The following ANKS1A variants were observed in gnomAD, a reference collection of about 807,000 sequenced individuals.
ANKS1A encodes ankyrin repeat and sterile alpha motif domain containing 1A.
ANKS1A carries 55 observed loss-of-function variants against 120.3 expected under a neutral mutation model. The ratio of observed to expected loss-of-function variants is 0.46; its 90% CI spans 0.37 to 0.57. The LOEUF is 0.57. Ranked by LOEUF, ANKS1A falls within the 20% of genes least tolerant of loss-of-function variation. ANKS1A has a pLI of 0.00. For missense variants in ANKS1A, 1,123 were observed against 1,480.3 expected, an observed-to-expected ratio of 0.76 and a Z score of 3.96; for synonymous variants, 590 against 604.7, an observed-to-expected ratio of 0.98 and a Z score of 0.36.
rs1054095201 is a variant in ANKS1A at position 35,084,382 on chromosome 6, T to C, written c.3132+124T>C. 38 of 1,355,468 alleles carry C rather than the reference T, an allele frequency of 2.8e-5. No individual in the cohort carries two copies. In the East Asian group the frequency reaches 9.0e-4, roughly 32 times the overall value. 84.0% of individuals were successfully genotyped at this position (1,355,468 alleles called of 1,614,324 possible). On this transcript the variant is annotated intron_variant, in intron 21 of 23. Transcript: ENST00000360359. This position sits in a 1 kb window ranked among gnomAD's most constrained non-coding sequence, Gnocchi z 4.8. ...TGGCCAGTGCCTGGCAAATGTTTGG[T>C]TCATGAATGGAGCCCAGCAGCACTC...
chr6:34,950,074 C>T (rs1007022291), intron 1 of ANKS1A, among the ~76,000 whole-genome samples: 4 of 152,096 alleles, frequency 2.6e-5, no homozygotes, highest in Non-Finnish European at 5.9e-5. Flanking sequence ...TTACTTCTGA[C>T]ACTTCTTAAA....
chr6:34,980,510 A>G (rs1480222038), intron 3 of ANKS1A, among the ~76,000 whole-genome samples: 3 of 152,252 alleles, frequency 2.0e-5, no homozygotes, highest in Admixed American at 1.3e-4. Context: ...TTCCTAATCC[A>G]TTACTTTTAG....
chr6:34,983,535 G>A, intron 7 of ANKS1A, 110 bp downstream of exon 7: 2 of 928,924 alleles, frequency 2.2e-6, no homozygotes, highest in African/African-American at 1.7e-5. Flanking sequence ...GGGGGATTGT[G>A]AGTACTTAGT....
intron 16 of ANKS1A, 80 bp from the exon 17 acceptor site, chr6:35,080,914 A>C: frequency 3.2e-6 from 5 of 1,540,308 alleles, no homozygotes; most frequent in Non-Finnish European, 2.6e-6. Flanking sequence ...GTGCCGTCCT[A>C]ACCAGTGGGG....
chr6:34,925,430 G>A (rs1305637313), intron 1 of ANKS1A, among the ~76,000 whole-genome samples: 1 of 152,174 alleles, frequency 6.6e-6, no homozygotes, highest in Non-Finnish European at 1.5e-5. Context: ...TTGGGCCTTG[G>A]GGCAAAGGCC....
intron 9 of ANKS1A, 102 bp downstream of exon 9, chr6:34,989,418 G>A (rs1397296964): frequency 9.6e-7 from 1 of 1,036,394 alleles, no homozygotes; most frequent in Non-Finnish European, 1.4e-6. Context: ...CTTCTCATCA[G>A]CTCTTTGGAT....
At chr6:35,018,374 A>G (rs1226645947) in intron 11 of ANKS1A, among the ~76,000 whole-genome samples, 4 of 152,112 alleles carry the variant, frequency 2.6e-5, no homozygotes, top group Non-Finnish European at 4.4e-5. Flanking sequence ...TGAGAGAATC[A>G]TGCTCACCCT....
At chr6:34,912,895 G>T (rs913744209) in intron 1 of ANKS1A, among the ~76,000 whole-genome samples, 3 of 152,218 alleles carry the variant, frequency 2.0e-5, no homozygotes, top group Admixed American at 6.5e-5. Flanking sequence ...TTGTGGTTCT[G>T]CTGGCTGTGT....
chr6:35,000,492 G>GA (rs1202692024), intron 10 of ANKS1A, among the ~76,000 whole-genome samples: 13 of 149,970 alleles, frequency 8.7e-5, no homozygotes, highest in African/African-American at 3.2e-4. Context: ...TATCTTCAAA[G>GA]AAAAAAAAGT....
chr6:35,055,810 G>A (rs529231296), intron 12 of ANKS1A, among the ~76,000 whole-genome samples: 1 of 152,310 alleles, frequency 6.6e-6, no homozygotes, highest in South Asian at 2.1e-4. Flanking sequence ...AGCTTGGTCC[G>A]TTTTCGTCAG....
intron 11 of ANKS1A, among the ~76,000 whole-genome samples, chr6:35,052,429 C>T (rs1487977647): frequency 1.3e-5 from 2 of 151,344 alleles, no homozygotes; most frequent in Non-Finnish European, 2.9e-5. Flanking sequence ...CCAGCCTGGG[C>T]AACAGAGCAA....
chr6:34,969,859 A>G (rs1329551195), intron 2 of ANKS1A, 151 bp from the exon 3 acceptor site: 8 of 843,926 alleles, frequency 9.5e-6, no homozygotes, highest in Non-Finnish European at 1.3e-5. Context: ...CTCATGGAAT[A>G]AAAGGAAAAG....
intron 3 of ANKS1A, among the ~76,000 whole-genome samples, chr6:34,976,980 T>C (rs1771632944): frequency 6.6e-6 from 1 of 152,180 alleles, no homozygotes; most frequent in South Asian, 2.1e-4. Flanking sequence ...TCAATATTGA[T>C]ACAATACCAT....
chr6:34,937,234 G>A (rs1472147521), intron 1 of ANKS1A, among the ~76,000 whole-genome samples: 5 of 152,052 alleles, frequency 3.3e-5, no homozygotes, highest in South Asian at 4.2e-4. Flanking sequence ...ACTTTGGGAG[G>A]TAGGGGCAGG....
intron 1 of ANKS1A, among the ~76,000 whole-genome samples, chr6:34,954,249 C>T (rs1770232700): frequency 6.6e-6 from 1 of 152,156 alleles, no homozygotes; most frequent in Admixed American, 6.5e-5. Flanking sequence ...GCCGGTGTCT[C>T]ACTTGCCCAG....
chr6:35,091,706 C>T (rs2127622215), downstream of ANKS1A, among the ~76,000 whole-genome samples: 1 of 152,352 alleles, frequency 6.6e-6, no homozygotes. Context: ...TCTCTTCTGC[C>T]TCTTGGTCTG....
chr6:34,974,905 C>T (rs1208489380), intron 3 of ANKS1A, among the ~76,000 whole-genome samples: 1 of 152,068 alleles, frequency 6.6e-6, no homozygotes, highest in East Asian at 1.9e-4. Flanking sequence ...AAACATTATT[C>T]AGTTAGTCTA....
chr6:34,976,805 A>AT (rs1002477466), intron 3 of ANKS1A, among the ~76,000 whole-genome samples: 1 of 151,674 alleles, frequency 6.6e-6, no homozygotes, highest in Non-Finnish European at 1.5e-5. Context: ...TGTGTATGCA[A>AT]TAATTGTTGT....
Position 35,083,202 on chromosome 6 carries a change from G to A in ANKS1A, c.2883G>A (p.Thr961=), listed in dbSNP as rs143676161. ...AAGATCTGCGAGGGACAGAATCCAC[G>A]CAAGACGCCTGTGCCAAGATGCGGG... ...LIKDLRGTES[T]QDACAKMRKS... The change falls in exon 19 of 24, where the codon ACG becomes ACA. Residue 961 remains threonine (T), a synonymous_variant. Transcript: ENST00000360359. 2.0e-5 allele frequency: 32 copies of A among 1,614,016 alleles called. No homozygotes were observed. In the Middle Eastern group the frequency reaches 4.9e-4, roughly 25 times the overall value.
Sources: allele counts gnomAD v4.1 joint callset (sites outside exome capture counted in the v4.1 genomes callset), GRCh38; gene constraint gnomAD v4.1.1; non-coding constraint Gnocchi (gnomAD v3.1); transcripts MANE v1.5; gene names NCBI Gene and HGNC (gene_info 2026-07-23, HGNC 2026-07-21).